TPST1: variants seen among roughly 807,000 people sequenced by gnomAD.
The protein encoded by TPST1 is tyrosylprotein sulfotransferase 1, also known as protein-tyrosine sulfotransferase 1.
In TPST1, 20 loss-of-function variants were observed where a neutral mutation model predicts 34.8. That is an observed-to-expected ratio of 0.57 (90% confidence interval 0.40 to 0.84). The LOEUF (loss-of-function observed/expected upper bound fraction) is 0.84. Among genes scored for constraint, TPST1 ranks in the 40% least tolerant of loss-of-function variants. TPST1 has a pLI of 0.00. For missense variants in TPST1, 353 were observed against 455.5 expected (o/e 0.78, Z 2.05); for synonymous variants, 152 against 159.4 (o/e 0.95, Z 0.35).
chr7:66,280,144 G>A (rs1324917048), intron 2 of TPST1, among the ~76,000 whole-genome samples: 1 of 152,230 alleles, frequency 6.6e-6, no homozygotes, highest in African/African-American at 2.4e-5. Context: ...GCTTGGGAAA[G>A]GCTGAAACTT....
rs1404290197 is a variant in TPST1 at position 66,217,586 on chromosome 7, A to ATTTGTTTG, written c.-102+12067_-102+12068insGTTTGTTT. ...TTTGAATCTAACACATCATTTATTTATTTATTTGTTTGTTTGTTTGTTTGT... is the reference window on the plus strand; with the variant it reads ...TTTGAATCTAACACATCATTTATTTATTTGTTTGTTTATTTGTTTGTTTGTTTGTTTGT... On this transcript the variant is annotated intron_variant, in intron 1 of 5. Coordinates refer to ENST00000304842, the MANE Select transcript of TPST1 (RefSeq NM_003596.4). Among the ~76,000 whole-genome samples the ATTTGTTTG allele has an allele frequency of 1.1e-4, 16 of 151,722 alleles. No individual in the cohort carries two copies. The East Asian group carries it at 2.5e-3, about 24-fold the overall frequency.
At chr7:66,353,845 G>A (rs527497222) in intron 4 of TPST1, among the ~76,000 whole-genome samples, 57 of 152,324 alleles carry the variant, frequency 3.7e-4, no homozygotes, top group African/African-American at 1.4e-3. Flanking sequence ...GTGAAGTCCA[G>A]TTGCCTGATG....
intron 2 of TPST1, among the ~76,000 whole-genome samples, chr7:66,277,350 G>A (rs1416011824): frequency 6.6e-6 from 1 of 152,152 alleles, no homozygotes. Flanking sequence ...GGCTGCTGTG[G>A]TGTTTCCCAT....
At chr7:66,328,806 A>G (rs1208628246) in intron 3 of TPST1, among the ~76,000 whole-genome samples, 1 of 131,474 alleles carries the variant, frequency 7.6e-6, no homozygotes, top group Non-Finnish European at 1.6e-5. Flanking sequence ...TGGCCTCCCA[A>G]AGTGCTGGGA....
intron 3 of TPST1, among the ~76,000 whole-genome samples, chr7:66,296,267 G>A (rs900446894): frequency 9.5e-5 from 4 of 42,136 alleles, no homozygotes; most frequent in Non-Finnish European, 1.4e-4. Context: ...CTCCCCCACC[G>A]TCTCTGCCTA....
intron 2 of TPST1, among the ~76,000 whole-genome samples, chr7:66,256,931 G>A (rs753761377): frequency 6.6e-6 from 1 of 152,082 alleles, no homozygotes; most frequent in Non-Finnish European, 1.5e-5. Flanking sequence ...CCAGTTGTGA[G>A]TGAGGCTTAT....
intron 3 of TPST1, among the ~76,000 whole-genome samples, chr7:66,295,768 A>T (rs1016069000): frequency 1.3e-5 from 2 of 152,000 alleles, no homozygotes; most frequent in Non-Finnish European, 2.9e-5. Flanking sequence ...CTCAGGTGGG[A>T]TTATAGGCAC....
At chr7:66,347,476 G>A (rs1053300723) in intron 3 of TPST1, among the ~76,000 whole-genome samples, 1 of 152,160 alleles carries the variant, frequency 6.6e-6, no homozygotes, top group African/African-American at 2.4e-5. Flanking sequence ...TGTTGGTAAT[G>A]AGTTCTCTGT....
intron 2 of TPST1, among the ~76,000 whole-genome samples, chr7:66,267,608 G>T (rs778470814): frequency 6.6e-6 from 1 of 152,142 alleles, no homozygotes; most frequent in African/African-American, 2.4e-5. Flanking sequence ...AGAAACAGGG[G>T]AGAGAAAGGG....
chr7:66,296,912 G>A (rs1791213926), intron 3 of TPST1, among the ~76,000 whole-genome samples: 1 of 151,938 alleles, frequency 6.6e-6, no homozygotes, highest in African/African-American at 2.4e-5. Context: ...AGGTTACATC[G>A]TCAGCCTTCT....
At chr7:66,334,465 G>A (rs193283542) in intron 3 of TPST1, among the ~76,000 whole-genome samples, 37 of 151,666 alleles carry the variant, frequency 2.4e-4, no homozygotes, top group African/African-American at 7.5e-4. Context: ...GTGAAACGCC[G>A]TCTCTACTAA....
chr7:66,321,161 C>CAA (rs1791749455), intron 3 of TPST1, among the ~76,000 whole-genome samples: 1 of 152,186 alleles, frequency 6.6e-6, no homozygotes, highest in Non-Finnish European at 1.5e-5. Flanking sequence ...GGCACATGGG[C>CAA]AAAGTCTGGA....
At chr7:66,346,138 T>C (rs1445128459) in intron 3 of TPST1, among the ~76,000 whole-genome samples, 2 of 152,040 alleles carry the variant, frequency 1.3e-5, no homozygotes, top group Non-Finnish European at 1.5e-5. Context: ...CTTCCATCCA[T>C]GTTGTTGCAG....
intron 1 of TPST1, among the ~76,000 whole-genome samples, chr7:66,230,701 C>G (rs1359531426): frequency 6.6e-6 from 1 of 152,082 alleles, no homozygotes; most frequent in African/African-American, 2.4e-5. Flanking sequence ...TTGCAAAGAG[C>G]GAAAGAACAA....
At chr7:66,268,755 C>T (rs1216657198) in intron 2 of TPST1, among the ~76,000 whole-genome samples, 1 of 151,800 alleles carries the variant, frequency 6.6e-6, no homozygotes, top group East Asian at 1.9e-4. Context: ...GGCTGGAGTG[C>T]CTGGCTCACT....
chr7:66,351,600 C>T (rs999562882), intron 3 of TPST1, among the ~76,000 whole-genome samples: 1 of 151,584 alleles, frequency 6.6e-6, no homozygotes, highest in Non-Finnish European at 1.5e-5. Context: ...TTTAAAACTA[C>T]CTTGACTATT....
chr7:66,346,507 G>C (rs1211667518), intron 3 of TPST1, among the ~76,000 whole-genome samples: 1 of 151,958 alleles, frequency 6.6e-6, no homozygotes, highest in Non-Finnish European at 1.5e-5. Flanking sequence ...CCTGTCTTTT[G>C]GATAAAAGCC....
At chr7:66,263,054 C>A (rs1054834082) in intron 2 of TPST1, among the ~76,000 whole-genome samples, 3 of 151,674 alleles carry the variant, frequency 2.0e-5, no homozygotes, top group Non-Finnish European at 4.4e-5. Flanking sequence ...GAGCCCAGAT[C>A]GTGCCACTGC....
At chr7:66,281,715 A>G (rs941720121) in intron 2 of TPST1, among the ~76,000 whole-genome samples, 1 of 152,086 alleles carries the variant, frequency 6.6e-6, no homozygotes, top group African/African-American at 2.4e-5. Flanking sequence ...TCCTTTTTGC[A>G]TATCTGTTCC....
Sources: allele counts gnomAD v4.1 joint callset (sites outside exome capture counted in the v4.1 genomes callset), GRCh38; gene constraint gnomAD v4.1.1; transcripts MANE v1.5; gene names NCBI Gene and HGNC (gene_info 2026-07-23, HGNC 2026-07-21).